Variants in TYW1B observed in about 807,000 individuals in gnomAD.
The protein encoded by TYW1B is tRNA-yW synthesizing protein 1 homolog B.
A neutral mutation model predicts 86.9 loss-of-function variants in TYW1B; 73 were observed. The observed-to-expected ratio is 0.84, with a 90% confidence interval of 0.70 to 1.02. TYW1B has a LOEUF of 1.02. Ranked by LOEUF, TYW1B falls within the 50% of genes least tolerant of loss-of-function variation. The pLI, the probability that TYW1B is intolerant of heterozygous loss-of-function variation, is 0.00. For synonymous variants in TYW1B, 248 were observed against 292.8 expected, an observed-to-expected ratio of 0.85 and a Z score of 1.56; for missense variants, 637 against 827.4, an observed-to-expected ratio of 0.77 and a Z score of 2.82.
At chr7:72,602,746 A>ACTGTTTTTTTT (rs1554433985) in intron 13 of TYW1B, among the ~76,000 whole-genome samples, 1 of 152,018 alleles carries the variant, frequency 6.6e-6, no homozygotes, top group Non-Finnish European at 1.5e-5. Flanking sequence ...AAGTCAAAAG[A>ACTGTTTTTTTT]CTGTAAGTTG....
intron 11 of TYW1B, among the ~76,000 whole-genome samples, chr7:72,681,443 C>T (rs1337797151): frequency 1.3e-5 from 2 of 152,032 alleles, no homozygotes; most frequent in Non-Finnish European, 2.9e-5. Context: ...TACCCTTCAC[C>T]CAGAAGTGCC....
chr7:72,582,806 G>C (rs1166003711), intron 13 of TYW1B, among the ~76,000 whole-genome samples: 1 of 152,182 alleles, frequency 6.6e-6, no homozygotes, highest in African/African-American at 2.4e-5. Flanking sequence ...CAGAGAGTTT[G>C]AGAGTTGTTA....
At chr7:72,781,092 T>C (rs1169913978) in intron 6 of TYW1B, among the ~76,000 whole-genome samples, 1 of 152,072 alleles carries the variant, frequency 6.6e-6, no homozygotes, top group Non-Finnish European at 1.5e-5. Flanking sequence ...ACTAGCCCAA[T>C]CTGGTTCAAT....
At chr7:72,727,125 G>A (rs1585933982) in intron 9 of TYW1B, among the ~76,000 whole-genome samples, 1 of 152,106 alleles carries the variant, frequency 6.6e-6, no homozygotes, top group South Asian at 2.1e-4. Flanking sequence ...GGGGGACAAA[G>A]CCTAACCATA....
At chr7:72,644,647 A>G (rs1812880826) in intron 11 of TYW1B, among the ~76,000 whole-genome samples, 1 of 152,158 alleles carries the variant, frequency 6.6e-6, no homozygotes. Flanking sequence ...AGAACAGGGC[A>G]GGAAAGGATT....
chr7:72,585,096 C>T (rs1316161803), intron 13 of TYW1B, among the ~76,000 whole-genome samples: 7 of 152,194 alleles, frequency 4.6e-5, no homozygotes, highest in African/African-American at 9.6e-5. Flanking sequence ...GACTTCCCAT[C>T]GGTTTCCCTT....
intron 11 of TYW1B, among the ~76,000 whole-genome samples, chr7:72,677,688 A>G (rs114618785): frequency 0.013 from 1,972 of 151,996 alleles, 41 homozygotes; most frequent in African/African-American, 0.044. Flanking sequence ...AGTTGTGTGG[A>G]TATATGGTAT....
intron 6 of TYW1B, among the ~76,000 whole-genome samples, chr7:72,786,432 A>G (rs1355772416): frequency 6.6e-6 from 1 of 152,162 alleles, no homozygotes; most frequent in Non-Finnish European, 1.5e-5. Flanking sequence ...AAAATAATGT[A>G]CATGGATGTC....
At chr7:72,763,846 A>G (rs1451995682) in intron 7 of TYW1B, among the ~76,000 whole-genome samples, 1 of 152,216 alleles carries the variant, frequency 6.6e-6, no homozygotes, top group East Asian at 1.9e-4. Flanking sequence ...GAGATATTAA[A>G]TTATTTGTCT....
chr7:72,672,211 A>G (rs1220892374), intron 11 of TYW1B, among the ~76,000 whole-genome samples: 3 of 151,944 alleles, frequency 2.0e-5, no homozygotes, highest in Non-Finnish European at 4.4e-5. Flanking sequence ...GCCTTCCATC[A>G]TGATTGGGAG....
chr7:72,616,083 A>G (rs143095456), intron 13 of TYW1B, among the ~76,000 whole-genome samples: 30 of 152,372 alleles, frequency 2.0e-4, no homozygotes, highest in African/African-American at 3.1e-4. Flanking sequence ...TCTCTAGAAA[A>G]TTAGCAAATT....
intron 6 of TYW1B, among the ~76,000 whole-genome samples, chr7:72,800,245 C>T (rs1490219343): frequency 2.0e-5 from 3 of 151,634 alleles, no homozygotes; most frequent in East Asian, 3.9e-4. Context: ...TCATGCAGGC[C>T]GGGGTGCCGT....
At chr7:72,609,523 C>CA (rs1811884544) in intron 13 of TYW1B, among the ~76,000 whole-genome samples, 2 of 152,106 alleles carry the variant, frequency 1.3e-5, no homozygotes, top group African/African-American at 4.8e-5. Flanking sequence ...CACACCACTG[C>CA]ACTCCAGCCT....
intron 11 of TYW1B, among the ~76,000 whole-genome samples, chr7:72,642,490 C>A (rs1812824657): frequency 6.6e-6 from 1 of 152,174 alleles, no homozygotes; most frequent in Non-Finnish European, 1.5e-5. Context: ...CATGAATATT[C>A]CCAGCAGTAT....
chr7:72,734,268 A>AAAAAAAAAAAAAACC (rs56806378), intron 8 of TYW1B, among the ~76,000 whole-genome samples: 1 of 98,094 alleles, frequency 1.0e-5, no homozygotes, highest in Non-Finnish European at 2.1e-5. Context: ...AAAAAAAAAA[A>AAAAAAAAAAAAAACC]ACACAACAAA....
chr7:72,584,748 AC>A (rs1478478177), intron 13 of TYW1B, among the ~76,000 whole-genome samples: 1 of 152,044 alleles, frequency 6.6e-6, no homozygotes, highest in East Asian at 1.9e-4. Flanking sequence ...GAGCCACCGC[AC>A]CCGGCCTATA....
chr7:72,789,021 G>A (rs1192445029), intron 6 of TYW1B, among the ~76,000 whole-genome samples: 1 of 151,862 alleles, frequency 6.6e-6, no homozygotes, highest in Non-Finnish European at 1.5e-5. Context: ...GTAGAGACAA[G>A]GGTCTCACTA....
Position 72,782,213 on chromosome 7 carries a change from CAGG to C in TYW1B, c.847-4683_847-4681del, listed in dbSNP as rs774148653. ...CTGAGGTGGCAGAATCACTTGAGCC[CAGG>C]AGTTCAAGGCTGTGGTGAGCTATGA... On this transcript the variant is annotated intron_variant, in intron 6 of 13. Transcript: ENST00000620995. Among the ~76,000 whole-genome samples the C allele has an allele frequency of 3.9e-4, 60 of 152,170 alleles. 1 individual carries two copies. The highest frequency in any genetic ancestry group is 5.4e-4 in the Non-Finnish European group (37 of 67,988).
intron 2 of TYW1B, among the ~76,000 whole-genome samples, chr7:72,817,833 T>C (rs1444920898): frequency 6.6e-6 from 1 of 152,088 alleles, no homozygotes; most frequent in Admixed American, 6.6e-5. Context: ...TCCAATTGGT[T>C]ACACCCTATG....
Sources: gnomAD v4.1 joint callset for allele counts (sites outside exome capture counted in the v4.1 genomes callset) on GRCh38, gnomAD v4.1.1 for gene constraint, MANE v1.5 for transcripts, NCBI Gene and HGNC (gene_info 2026-07-23, HGNC 2026-07-21) for gene names.